FANCI: variants seen among roughly 807,000 people sequenced by gnomAD.
FANCI encodes Fanconi anemia group I protein.
FANCI carries 156 observed loss-of-function variants against 176.1 expected under a neutral mutation model. The observed-to-expected ratio is 0.89, with a 90% CI of 0.78 to 1.01. The LOEUF (loss-of-function observed/expected upper bound fraction) is 1.01, where lower values mean the gene tolerates loss of function less well. Among genes scored for constraint, FANCI ranks in the 50% least tolerant of loss-of-function variants. FANCI has a pLI of 0.00. For missense variants in FANCI, 1,678 were observed against 1,534.1 expected, an observed-to-expected ratio of 1.09 and a Z score of -1.57; for synonymous variants, 613 against 541.7, an observed-to-expected ratio of 1.13 and a Z score of -1.83.
Position 89,263,940 on chromosome 15 carries a change from G to A in FANCI, c.583G>A (p.Val195Met). ...GACTGCAGAAGAGGTGGAATTTGTG[G>A]TGGAAAAAGCATTGAGCATGTTCTC... ...PLTAEEVEFV[V>M]EKALSMFSKM... The change falls in exon 8 of 38, where the codon GTG becomes ATG. Residue 195 changes from valine (V) to methionine (M), a missense_variant. Physicochemically the swap from Val to Met is conservative, Grantham distance 21. Coordinates refer to ENST00000310775, the MANE Select transcript of FANCI (RefSeq NM_001113378.2). 6.2e-7 allele frequency: 1 copy of A among 1,614,096 alleles called. No individual in the cohort carries two copies. The highest frequency in any genetic ancestry group is 1.1e-5 in the South Asian group (1 of 91,084).
chr15:89,273,326 A>T, intron 10 of FANCI, 51 bp from the exon 11 acceptor site: 62 of 857,700 alleles, frequency 7.2e-5, no homozygotes, highest in Middle Eastern at 4.9e-4. Flanking sequence ...AAAAAAAAAA[A>T]GAAAAAAGAA....
intron 14 of FANCI, among the ~76,000 whole-genome samples, chr15:89,279,972 C>G (rs1396182946): frequency 6.6e-6 from 1 of 152,160 alleles, no homozygotes; most frequent in African/African-American, 2.4e-5. Context: ...AAAATACCAC[C>G]TTATGACTAC....
intron 2 of FANCI, among the ~76,000 whole-genome samples, chr15:89,256,631 C>G (rs1018151483): frequency 5.3e-5 from 8 of 152,136 alleles, no homozygotes; most frequent in African/African-American, 1.9e-4. Context: ...TATATTCTTT[C>G]CTGGATGGTC....
At chr15:89,311,539 C>T (rs999623419) in intron 34 of FANCI, among the ~76,000 whole-genome samples, 2 of 152,206 alleles carry the variant, frequency 1.3e-5, no homozygotes, top group African/African-American at 2.4e-5. Context: ...GACACAACCT[C>T]TGGGAAGATG....
Position 89,256,460 on chromosome 15 carries a change from A to G in FANCI, c.85-2244A>G, listed in dbSNP as rs571344306. Among the ~76,000 whole-genome samples, 59 of 152,336 alleles carry G rather than the reference A, an allele frequency of 3.9e-4. 1 individual carries two copies. The highest frequency in any genetic ancestry group is 1.3e-3 in the African/African-American group (53 of 41,578). On this transcript the variant is annotated intron_variant, in intron 2 of 37. Transcript: ENST00000310775. ...GACTCCAGCTAGAAACACCAGCCTC[A>G]TGTACTTGTGGAAGAGAGAGTTTAT... is the stretch of plus-strand genomic sequence containing the variant.
intron 3 of FANCI, chr15:89,259,012 G>C (rs2052610671): frequency 2.0e-6 from 1 of 495,188 alleles, no homozygotes; most frequent in East Asian, 3.7e-5. Flanking sequence ...TATAATTACA[G>C]AATGTGCTTT....
rs565007212 is a variant in FANCI at position 89,274,247 on chromosome 15, A to G, written c.1055A>G (p.Asn352Ser). The G allele has an allele frequency of 4.3e-6, 7 of 1,612,784 alleles. No homozygotes were observed. The East Asian group carries it at 1.1e-4, about 26-fold the overall frequency. ...CTCCAAGGCTCAAAATTTCTTCAGA[A>G]TCTAGTTCCTCATAGATCTTATGTT... ...QLLQGSKFLQ[N>S]LVPHRSYVST... The change falls in exon 12 of 38, where the codon AAT becomes AGT. Residue 352 changes from asparagine (N) to serine (S), a missense_variant. Around this residue, in one of 3 missense-constraint regions of FANCI, gnomAD observed 469 missense variants for 436.9 expected, o/e 1.07. Transcript: ENST00000310775.
Position 89,312,956 on chromosome 15 carries a change from C to T in FANCI, c.3704C>T (p.Ala1235Val), listed in dbSNP as rs775452691. ...YTGEKKEKPA[A>V]VATAMARVLR... ...GGAGAGAAAAAGGAGAAACCTGCTGCCGTTGCCACAGCCATGGTAAGCTGC... is the reference window on the plus strand; with the variant it reads ...GGAGAGAAAAAGGAGAAACCTGCTGTCGTTGCCACAGCCATGGTAAGCTGC... Residue 1235 changes from alanine (A) to valine (V), a missense_variant, in exon 35 of 38, where the codon GCC (alanine) becomes GTC (valine). This residue lies in a region of FANCI where 1,204 missense variants were observed against 1,077.4 expected (regional missense o/e 1.12). Transcript: ENST00000310775. 10 of 1,613,950 alleles carry T rather than the reference C, an allele frequency of 6.2e-6. 1 individual carries two copies. In the South Asian group the frequency reaches 9.9e-5, roughly 16 times the overall value.
rs143445952 is a variant in FANCI at position 89,316,313 on chromosome 15, T to C, written c.3925-84T>C. 331 of 1,333,786 alleles carry C rather than the reference T, an allele frequency of 2.5e-4. No homozygotes were observed. The African/African-American group carries it at 4.2e-3, about 17-fold the overall frequency. 82.6% of individuals were successfully genotyped at this position (1,333,786 alleles called of 1,614,324 possible). On this transcript the variant is annotated intron_variant, in intron 37 of 37. Coordinates refer to ENST00000310775, the MANE Select transcript of FANCI (RefSeq NM_001113378.2). ...ACTAACAAAGGCTTTGATGAGAAGATAGAGTCTTTTTTTTCCTTCTTTTTA... is the reference window on the plus strand; with the variant it reads ...ACTAACAAAGGCTTTGATGAGAAGACAGAGTCTTTTTTTTCCTTCTTTTTA...
chr15:89,296,999 C>T (rs1176796968), intron 24 of FANCI, among the ~76,000 whole-genome samples: 14 of 148,352 alleles, frequency 9.4e-5, no homozygotes, highest in Non-Finnish European at 1.2e-4. Context: ...CCGGACGGGG[C>T]GGCTGGCCTG....
intron 1 of FANCI, among the ~76,000 whole-genome samples, chr15:89,244,771 A>G (rs1346271935): frequency 6.6e-6 from 1 of 152,076 alleles, no homozygotes; most frequent in African/African-American, 2.4e-5. Flanking sequence ...ATCTTGGGGG[A>G]AATTCCCTAA....
intron 27 of FANCI, among the ~76,000 whole-genome samples, chr15:89,303,497 T>C (rs1361962519): frequency 6.6e-6 from 1 of 152,192 alleles, no homozygotes; most frequent in Admixed American, 6.5e-5. Flanking sequence ...GTTTTCTCTT[T>C]CCCACACCTT....
At position 89,270,515 on chromosome 15, in the gene FANCI, T is replaced by A. The variant is rs551733474; in HGVS notation, c.882+1990T>A. ...GGAATTCAAATTTTATATCTTATTT[T>A]TTTTTTCTTTTTTTTGTCCTCACAA... On this transcript the variant is annotated intron_variant, in intron 10 of 37. Coordinates refer to ENST00000310775, the MANE Select transcript of FANCI (RefSeq NM_001113378.2). Among the ~76,000 whole-genome samples, 346 of 152,284 alleles carry A rather than the reference T, an allele frequency of 2.3e-3. 1 individual carries two copies. The highest frequency in any genetic ancestry group is 7.8e-3 in the African/African-American group (324 of 41,564).
intron 24 of FANCI, among the ~76,000 whole-genome samples, chr15:89,295,907 G>A (rs2054250121): frequency 6.6e-6 from 1 of 151,838 alleles, no homozygotes; most frequent in East Asian, 1.9e-4. Flanking sequence ...CTGAGTAGCT[G>A]GGACTACAGG....
At chr15:89,296,920 TG>T (rs2054303547) in intron 24 of FANCI, among the ~76,000 whole-genome samples, 2 of 139,202 alleles carry the variant, frequency 1.4e-5, no homozygotes, top group African/African-American at 2.7e-5. Context: ...GGCGGGGGGC[TG>T]ACCCCCCCAC....
intron 34 of FANCI, 68 bp downstream of exon 34, chr15:89,307,740 T>C (rs1456636431): frequency 1.5e-5 from 24 of 1,613,560 alleles, no homozygotes; most frequent in Middle Eastern, 1.6e-4. Flanking sequence ...CAGGGGACTA[T>C]TGATCACCTG....
chr15:89,282,851 A>C lies in FANCI; in HGVS notation c.1584-285A>C, dbSNP rs1444397808. ...CATTTGAGTAACCAGCCAATTTTAC[A>C]GTCTCTCAGCAGTCTTCTTATTCCT... On this transcript the variant is annotated intron_variant, in intron 16 of 37. Transcript: ENST00000310775. 16 of 406,506 alleles carry C rather than the reference A, an allele frequency of 3.9e-5. 1 individual carries two copies. The highest frequency in any genetic ancestry group is 3.8e-4 in the South Asian group (16 of 41,778). 25.2% of individuals were successfully genotyped at this position (406,506 alleles called of 1,614,324 possible). A position where few individuals can be genotyped will look rare whatever the true frequency, so the allele number is the denominator to read the frequency against.
chr15:89,263,833 C>T, intron 7 of FANCI, 70 bp from the exon 8 acceptor site: 1 of 1,571,802 alleles, frequency 6.4e-7, no homozygotes, highest in South Asian at 1.1e-5. Flanking sequence ...CACTGTAAAG[C>T]CCTGAATTGA....
chr15:89,305,880 T>C (rs1195023238), intron 31 of FANCI, 127 bp from the exon 32 acceptor site: 2 of 1,078,476 alleles, frequency 1.9e-6, no homozygotes, highest in Admixed American at 1.9e-5. Context: ...ATTAATTCAC[T>C]CTGCATATTG....
Sources: gnomAD v4.1 joint callset for allele counts (sites outside exome capture counted in the v4.1 genomes callset) on GRCh38, gnomAD v4.1.1 for gene constraint, gnomAD v4.1.1 regional missense constraint, MANE v1.5 for transcripts, NCBI Gene and HGNC (gene_info 2026-07-23, HGNC 2026-07-21) for gene names.